Variants in ERBB4 observed in about 807,000 individuals in gnomAD.
ERBB4 encodes the protein receptor tyrosine-protein kinase erbB-4.
ERBB4 carries 42 observed loss-of-function variants against 158.0 expected under a neutral mutation model. That is an observed-to-expected ratio of 0.27 (90% CI 0.21 to 0.34). The LOEUF (loss-of-function observed/expected upper bound fraction) is 0.34. Among genes scored for constraint, ERBB4 ranks in the 10% least tolerant of loss-of-function variants. ERBB4 has a pLI of 1.00. For synonymous variants in ERBB4, 583 were observed against 558.7 expected, an observed-to-expected ratio of 1.04 and a Z score of -0.61; for missense variants, 1,333 against 1,624.1, an observed-to-expected ratio of 0.82 and a Z score of 3.08.
At chr2:211,404,344 G>A (rs2063105703) in intron 25 of ERBB4, among the ~76,000 whole-genome samples, 1 of 151,958 alleles carries the variant, frequency 6.6e-6, no homozygotes, top group Admixed American at 6.6e-5. Flanking sequence ...GTCTTTGTTT[G>A]TATGCCTTAC....
At chr2:212,021,929 C>T (rs1159098153) in intron 2 of ERBB4, among the ~76,000 whole-genome samples, 1 of 152,114 alleles carries the variant, frequency 6.6e-6, no homozygotes, top group Non-Finnish European at 1.5e-5. Context: ...AAAAGCTCAA[C>T]ATCATTGATT....
At chr2:212,136,931 T>C (rs1324362872) in intron 1 of ERBB4, among the ~76,000 whole-genome samples, 2 of 152,276 alleles carry the variant, frequency 1.3e-5, no homozygotes, top group African/African-American at 4.8e-5. Flanking sequence ...ACCCAATTCA[T>C]AGTCACATTA....
chr2:212,538,624 G>T lies in ERBB4; in HGVS notation c.-94C>A. ...CGGAGGAGATCCCCCAGCCGGGCGC[G>T]CGTGGGGGTGCGAGGGGGGCGGGCG... On this transcript the variant is annotated 5_prime_UTR_variant, in exon 1 of 28. Transcript: ENST00000342788. 7.5e-7 allele frequency: 1 copy of T among 1,328,494 alleles called. No individual in the cohort carries two copies. Among genetic ancestry groups the T allele is most frequent in the Non-Finnish European group, 1.1e-6 (1 of 928,190 alleles). The allele number at this position is 1,328,494 out of a possible 1,614,324, so 82.3% of individuals were successfully genotyped here. A position where few individuals can be genotyped will look rare whatever the true frequency, so the allele number is the denominator to read the frequency against.
chr2:212,488,728 C>T (rs1462518171), intron 1 of ERBB4, among the ~76,000 whole-genome samples: 2 of 151,802 alleles, frequency 1.3e-5, no homozygotes, highest in Non-Finnish European at 2.9e-5. Flanking sequence ...CACAGAAATA[C>T]TCTCTGCTTA....
chr2:212,413,203 G>A (rs2091553072), intron 1 of ERBB4, among the ~76,000 whole-genome samples: 1 of 144,214 alleles, frequency 6.9e-6, no homozygotes, highest in African/African-American at 2.6e-5. Flanking sequence ...GGCCAGACTG[G>A]TCTCGAACTC....
chr2:212,450,854 G>A (rs1006089425), intron 1 of ERBB4, among the ~76,000 whole-genome samples: 2 of 149,640 alleles, frequency 1.3e-5, no homozygotes, highest in African/African-American at 4.9e-5. Context: ...GGCCAGGCAT[G>A]GTGGCTCATG....
chr2:211,671,212 A>G (rs1219026070), intron 14 of ERBB4, among the ~76,000 whole-genome samples: 4 of 152,190 alleles, frequency 2.6e-5, no homozygotes, highest in African/African-American at 9.6e-5. Context: ...GATAATGTGA[A>G]AAAATTAAAA....
chr2:211,993,936 T>A (rs1461261297), intron 2 of ERBB4, among the ~76,000 whole-genome samples: 1 of 151,766 alleles, frequency 6.6e-6, no homozygotes, highest in African/African-American at 2.4e-5. Flanking sequence ...TTAATAATTA[T>A]AAACATTTTT....
rs779877103 is a variant in ERBB4, at chr2:211,673,203, A to G, written c.1677T>C (p.Cys559=). The stretch of plus-strand genomic sequence containing the variant: ...TGAGGAGGCCATCTTCCATCTTCTC[A>G]CACTGGGGGTCACACTCCACACAGA... ...GSICVECDPQ[C]EKMEDGLLTC... The change falls in exon 14 of 28, where the codon TGT becomes TGC. Residue 559 remains cysteine, a synonymous_variant. Coordinates refer to ENST00000342788, the MANE Select transcript of ERBB4 (RefSeq NM_005235.3). 8 of 1,613,772 alleles carry G rather than the reference A, an allele frequency of 5.0e-6. No individual in the cohort carries two copies. The South Asian group carries it at 8.8e-5, about 18-fold the overall frequency.
intron 2 of ERBB4, among the ~76,000 whole-genome samples, chr2:212,063,683 T>A (rs540648121): frequency 1.3e-5 from 2 of 151,994 alleles, no homozygotes; most frequent in African/African-American, 4.8e-5. Flanking sequence ...AACGTAAAAA[T>A]TAAAACAAAA....
chr2:211,969,013 T>G (rs1333104422), intron 2 of ERBB4, among the ~76,000 whole-genome samples: 1 of 151,984 alleles, frequency 6.6e-6, no homozygotes, highest in Non-Finnish European at 1.5e-5. Flanking sequence ...TTTTGCCACA[T>G]TAGTTACATA....
At chr2:211,482,643 C>T (rs548135598) in intron 20 of ERBB4, among the ~76,000 whole-genome samples, 41 of 152,290 alleles carry the variant, frequency 2.7e-4, no homozygotes, top group African/African-American at 8.7e-4. Context: ...CAGTGGCTCA[C>T]GCCTGTAATC....
At chr2:211,652,341 G>A (rs1193158992) in intron 16 of ERBB4, among the ~76,000 whole-genome samples, 4 of 152,124 alleles carry the variant, frequency 2.6e-5, no homozygotes, top group Non-Finnish European at 5.9e-5. Context: ...AGTGGACTGA[G>A]GATAGACTTA....
intron 1 of ERBB4, among the ~76,000 whole-genome samples, chr2:212,285,957 T>C (rs957769958): frequency 1.3e-5 from 2 of 152,176 alleles, no homozygotes; most frequent in Admixed American, 6.5e-5. Context: ...CTAGATATTA[T>C]ATGTATGATT....
At position 212,329,492 on chromosome 2, in the gene ERBB4, G is replaced by C. The variant is rs567762699; in HGVS notation, c.83-204589C>G. On this transcript the variant is annotated intron_variant, in intron 1 of 27. Coordinates refer to ENST00000342788, the MANE Select transcript of ERBB4 (RefSeq NM_005235.3). ...ATTTAGTTTTTAAAGAAAGATTTCT[G>C]TTCTGTTCCCACCTGTTGAAAATAC... Among the ~76,000 whole-genome samples the C allele has an allele frequency of 2.0e-5, 3 of 152,138 alleles. No individual in the cohort carries two copies. In the East Asian group the frequency reaches 5.8e-4, roughly 30 times the overall value.
intron 19 of ERBB4, among the ~76,000 whole-genome samples, chr2:211,580,520 G>C (rs1350195892): frequency 6.6e-6 from 1 of 151,812 alleles, no homozygotes; most frequent in Non-Finnish European, 1.5e-5. Flanking sequence ...CATGGATGCA[G>C]TGAACAGGGA....
chr2:211,571,918 G>A (rs938371461), intron 19 of ERBB4, among the ~76,000 whole-genome samples: 1 of 151,918 alleles, frequency 6.6e-6, no homozygotes, highest in African/African-American at 2.4e-5. Flanking sequence ...TCCCATACGA[G>A]CTTGCCTGCT....
rs561120511 is a variant in ERBB4, at chr2:211,730,827, C to G, written c.623-5633G>C. Among the ~76,000 whole-genome samples, 3 of 152,136 alleles carry G rather than the reference C, an allele frequency of 2.0e-5. No individual in the cohort carries two copies. In the South Asian group the frequency reaches 6.2e-4, roughly 32 times the overall value. On this transcript the variant is annotated intron_variant, in intron 5 of 27. Transcript: ENST00000342788. The stretch of plus-strand genomic sequence containing the variant: ...AGCTTTGGTAGTTTTAATAAGCTCC[C>G]TGGGATTCCAATATTCAGTCTAGAG...
chr2:211,488,509 T>C (rs1406242879), intron 20 of ERBB4, among the ~76,000 whole-genome samples: 1 of 152,122 alleles, frequency 6.6e-6, no homozygotes, highest in African/African-American at 2.4e-5. Context: ...TAACATTTTA[T>C]TTAAGAAAAG....
Sources: gnomAD v4.1 joint callset for allele counts (sites outside exome capture counted in the v4.1 genomes callset) on GRCh38, gnomAD v4.1.1 for gene constraint, MANE v1.5 for transcripts, NCBI Gene and HGNC (gene_info 2026-07-23, HGNC 2026-07-21) for gene names.